SAMM50: variants seen among roughly 807,000 people sequenced by gnomAD.
SAMM50 encodes the protein SAMM50 sorting and assembly machinery component, also known as sorting and assembly machinery component 50 homolog.
A neutral mutation model predicts 66.9 loss-of-function variants in SAMM50; 47 were observed. The observed-to-expected ratio is 0.70, with a 90% CI of 0.56 to 0.90. The LOEUF is 0.90. SAMM50 is among the 40% of genes least tolerant of loss of function. The probability of loss-of-function intolerance (pLI) is 0.00; values close to 1 mark genes in which losing one functional copy is unlikely to be tolerated. For synonymous variants in SAMM50, 191 were observed against 214.1 expected (o/e 0.89, Z 0.94); for missense variants, 535 against 595.3 (o/e 0.90, Z 1.05).
intron 1 of SAMM50, 90 bp downstream of exon 1, chr22:43,955,688 A>C (rs1489926745): frequency 7.1e-7 from 1 of 1,402,886 alleles, no homozygotes; most frequent in Non-Finnish European, 9.7e-7. Flanking sequence ...GGCTGCGCCC[A>C]GGGTTCACCG....
intron 14 of SAMM50, among the ~76,000 whole-genome samples, chr22:43,994,233 G>A (rs1376109339): frequency 6.6e-6 from 1 of 152,200 alleles, no homozygotes; most frequent in Non-Finnish European, 1.5e-5. Context: ...CTGTCGGCGG[G>A]CACCGGGCAG....
chr22:43,976,678 G>A (rs376087450), intron 8 of SAMM50, 72 bp from the exon 9 acceptor site: 58 of 1,111,048 alleles, frequency 5.2e-5, no homozygotes, highest in East Asian at 1.2e-4. Flanking sequence ...TGTGGCCCAC[G>A]TGCTGTGAGT....
chr22:43,968,180 T>C (rs2050183133), intron 3 of SAMM50, among the ~76,000 whole-genome samples: 1 of 135,606 alleles, frequency 7.4e-6, no homozygotes, highest in Non-Finnish European at 1.5e-5. Flanking sequence ...TGAGCTGAGA[T>C]TGCACCGTTG....
At chr22:43,972,771 G>A in intron 5 of SAMM50, 100 bp from the exon 6 acceptor site, 1 of 1,131,720 alleles carries the variant, frequency 8.8e-7, no homozygotes. Flanking sequence ...TCTTCCTTCT[G>A]TTTTTATGAA....
chr22:43,957,124 T>G, intron 1 of SAMM50: 1 of 817,088 alleles, frequency 1.2e-6, no homozygotes, highest in East Asian at 2.4e-5. Context: ...ATTGAAGGTG[T>G]TTATGCCCGA....
At chr22:43,964,642 C>T (rs2050163921) in intron 3 of SAMM50, 89 bp downstream of exon 3, 2 of 706,972 alleles carry the variant, frequency 2.8e-6, no homozygotes, top group Middle Eastern at 2.5e-4. Flanking sequence ...GCACCCTGCG[C>T]CCGGCCTCTG....
At chr22:43,972,420 CTGATGATAGT>C (rs2050208662) in intron 5 of SAMM50, 78 bp downstream of exon 5, 1 of 774,210 alleles carries the variant, frequency 1.3e-6, no homozygotes, top group Non-Finnish European at 2.0e-6. Flanking sequence ...ATTCTAAAAG[CTGATGATAGT>C]TTCAAAATTC....
chr22:43,957,333 C>T (rs2050124838), intron 1 of SAMM50: 2 of 596,942 alleles, frequency 3.4e-6, no homozygotes, highest in Admixed American at 2.6e-5. Flanking sequence ...TAATGCTGTA[C>T]CCCTCAAGGA....
intron 4 of SAMM50, 40 bp from the exon 5 acceptor site, chr22:43,972,196 A>T: frequency 7.6e-7 from 1 of 1,311,020 alleles, no homozygotes; most frequent in East Asian, 2.4e-5. Flanking sequence ...AAGTAAAATA[A>T]CATCCTGGCT....
Position 43,963,974 on chromosome 22 carries a change from C to T in SAMM50, c.133-478C>T, listed in dbSNP as rs1405066897. On this transcript the variant is annotated intron_variant, in intron 2 of 14. Coordinates refer to ENST00000350028, the MANE Select transcript of SAMM50 (RefSeq NM_015380.5). ...CCAGGCTGGAGTGCAGCGGCACAAT[C>T]TTGGCTCATTGCAACCTCTGTCTCT... 2.0e-5 allele frequency among the ~76,000 whole-genome samples: 3 copies of T among 152,012 alleles called. No individual in the cohort carries two copies. The East Asian group carries it at 5.8e-4, about 29-fold the overall frequency.
chr22:43,994,483 G>A (rs544105443), intron 14 of SAMM50, among the ~76,000 whole-genome samples: 2 of 152,278 alleles, frequency 1.3e-5, no homozygotes, highest in South Asian at 4.1e-4. Flanking sequence ...GGTGCAAGGC[G>A]CCAAGGGTGC....
At chr22:43,957,769 G>A (rs536404884) in intron 1 of SAMM50, among the ~76,000 whole-genome samples, 62 of 150,472 alleles carry the variant, frequency 4.1e-4, no homozygotes, top group Middle Eastern at 3.8e-3. Context: ...AATTTTTTTT[G>A]TTGTTGTTGA....
chr22:43,964,125 C>T (rs2050161060), intron 2 of SAMM50, among the ~76,000 whole-genome samples: 2 of 152,232 alleles, frequency 1.3e-5, no homozygotes, highest in African/African-American at 4.8e-5. Flanking sequence ...CATTCATTCA[C>T]AGGCCAGTGC....
At chr22:43,973,367 A>C (rs768680870) in intron 7 of SAMM50, 44 bp downstream of exon 7, 1 of 1,240,956 alleles carries the variant, frequency 8.1e-7, no homozygotes, top group Non-Finnish European at 1.2e-6. Flanking sequence ...GGGGGAAAAC[A>C]GGGTGGCTTT....
At chr22:43,994,482 C>T (rs1226402212) in intron 14 of SAMM50, among the ~76,000 whole-genome samples, 1 of 152,058 alleles carries the variant, frequency 6.6e-6, no homozygotes, top group Non-Finnish European at 1.5e-5. Context: ...GGGTGCAAGG[C>T]GCCAAGGGTG....
Position 43,972,895 on chromosome 22 carries a change from C to G in SAMM50, c.454C>G (p.Leu152Val). Residue 152 changes from leucine to valine, a missense_variant, in exon 6 of 15, where the codon CTT becomes GTT. Physicochemically the swap from Leu to Val is conservative, Grantham distance 32. Transcript: ENST00000350028. ...SMVLGLKLPNLLGRAEKVTFQ... is the reference protein window; with the variant it reads ...SMVLGLKLPNVLGRAEKVTFQ... ...GGTACTTGGCCTCAAGCTTCCTAATCTTCTTGGTCGTGCAGAAAAGGTGAC... is the reference window on the plus strand; with the variant it reads ...GGTACTTGGCCTCAAGCTTCCTAATGTTCTTGGTCGTGCAGAAAAGGTGAC... The G allele has an allele frequency of 6.3e-7, 1 of 1,595,520 alleles. No individual in the cohort carries two copies. Among genetic ancestry groups the G allele is most frequent in the African/African-American group, 1.4e-5 (1 of 72,472 alleles).
At chr22:43,962,229 G>T (rs951268021) in intron 1 of SAMM50, among the ~76,000 whole-genome samples, 9 of 152,224 alleles carry the variant, frequency 5.9e-5, no homozygotes, top group Non-Finnish European at 1.2e-4. Context: ...AAGTGTTGAA[G>T]ATCTCATGTA....
chr22:43,984,700 C>T (rs964513357), intron 12 of SAMM50, among the ~76,000 whole-genome samples: 2 of 151,890 alleles, frequency 1.3e-5, no homozygotes, highest in African/African-American at 4.8e-5. Flanking sequence ...ACGATCTCGG[C>T]TCACTGCAAC....
chr22:43,972,847 T>TG, intron 5 of SAMM50, 24 bp from the exon 6 acceptor site: 11 of 1,492,666 alleles, frequency 7.4e-6, no homozygotes, highest in Non-Finnish European at 9.9e-6. Flanking sequence ...AGACCACTGC[T>TG]ATTTTTTTTT....
Sources: gnomAD v4.1 joint callset for allele counts (sites outside exome capture counted in the v4.1 genomes callset) on GRCh38, gnomAD v4.1.1 for gene constraint, MANE v1.5 for transcripts, NCBI Gene and HGNC (gene_info 2026-07-23, HGNC 2026-07-21) for gene names.